ZNF804A: variants seen among roughly 807,000 people sequenced by gnomAD.
ZNF804A encodes zinc finger protein 804A.
ZNF804A carries 2 observed loss-of-function variants against 16.5 expected under a neutral mutation model. That is an observed-to-expected ratio of 0.12 (90% confidence interval 0.05 to 0.38). ZNF804A has a LOEUF of 0.38. Among genes scored for constraint, ZNF804A ranks in the 10% least tolerant of loss-of-function variants. The pLI is 0.99. For synonymous variants in ZNF804A, 534 were observed against 489.6 expected (o/e 1.09, Z -1.20); for missense variants, 1,473 against 1,390.7 (o/e 1.06, Z -0.94).
chr2:184,705,605 A>G (rs1693015005), intron 1 of ZNF804A, among the ~76,000 whole-genome samples: 1 of 152,052 alleles, frequency 6.6e-6, no homozygotes, highest in Non-Finnish European at 1.5e-5. Context: ...AAGGCATGGT[A>G]CCTATTTTTT....
chr2:184,734,164 A>G (rs1559137668), intron 1 of ZNF804A, among the ~76,000 whole-genome samples: 1 of 152,022 alleles, frequency 6.6e-6, no homozygotes, highest in Non-Finnish European at 1.5e-5. Context: ...CTGCATGCTC[A>G]AACACCTAGG....
At chr2:184,910,684 G>A (rs1685342534) in intron 2 of ZNF804A, among the ~76,000 whole-genome samples, 1 of 151,942 alleles carries the variant, frequency 6.6e-6, no homozygotes, top group Admixed American at 6.6e-5. Flanking sequence ...GGTACGAGAT[G>A]GTATATCATT....
At chr2:184,906,081 A>T (rs1270833416) in intron 2 of ZNF804A, among the ~76,000 whole-genome samples, 1 of 152,118 alleles carries the variant, frequency 6.6e-6, no homozygotes, top group Non-Finnish European at 1.5e-5. Context: ...TTGTTGTCAT[A>T]TTTGATCATT....
At chr2:184,855,789 T>A (rs183426149) in intron 1 of ZNF804A, among the ~76,000 whole-genome samples, 177 of 152,110 alleles carry the variant, frequency 1.2e-3, no homozygotes, top group Admixed American at 7.9e-3. Flanking sequence ...CAGTTGTTCA[T>A]GTCAGGCACA....
chr2:184,746,861 A>G (rs1228628276), intron 1 of ZNF804A, among the ~76,000 whole-genome samples: 1 of 151,418 alleles, frequency 6.6e-6, no homozygotes, highest in African/African-American at 2.4e-5. Flanking sequence ...ATTTCCAACC[A>G]CATTATTGCA....
intron 2 of ZNF804A, among the ~76,000 whole-genome samples, chr2:184,925,709 T>C (rs944411664): frequency 1.3e-5 from 2 of 151,918 alleles, no homozygotes; most frequent in Non-Finnish European, 2.9e-5. Flanking sequence ...TGTGTTTTAA[T>C]TGTATATTTT....
chr2:184,929,235 G>C (rs1430133698), intron 2 of ZNF804A, among the ~76,000 whole-genome samples: 1 of 152,088 alleles, frequency 6.6e-6, no homozygotes, highest in Non-Finnish European at 1.5e-5. Context: ...TTTAATAATT[G>C]ACTGACTCCT....
At chr2:184,610,976 G>T (rs1249981302) in intron 1 of ZNF804A, among the ~76,000 whole-genome samples, 1 of 152,174 alleles carries the variant, frequency 6.6e-6, no homozygotes, top group Non-Finnish European at 1.5e-5. Context: ...GTCTTAGCCT[G>T]TTTGAGCTGT....
intron 1 of ZNF804A, among the ~76,000 whole-genome samples, chr2:184,860,583 C>T (rs1695784448): frequency 1.3e-5 from 2 of 152,256 alleles, no homozygotes; most frequent in Middle Eastern, 3.4e-3. Context: ...TGGGATCAGC[C>T]TGGTGCTAAG....
At chr2:184,878,338 G>T (rs182388149) in intron 2 of ZNF804A, among the ~76,000 whole-genome samples, 2 of 152,102 alleles carry the variant, frequency 1.3e-5, no homozygotes, top group South Asian at 2.1e-4. Flanking sequence ...CACAAAGCTC[G>T]GTTTGAGTCA....
intron 1 of ZNF804A, among the ~76,000 whole-genome samples, chr2:184,652,677 A>C (rs932381917): frequency 2.0e-5 from 3 of 152,040 alleles, no homozygotes; most frequent in Non-Finnish European, 4.4e-5. Flanking sequence ...CCTTCATTCA[A>C]TGTAAATCTA....
chr2:184,828,055 T>A (rs372641914), intron 1 of ZNF804A, among the ~76,000 whole-genome samples: 2 of 150,414 alleles, frequency 1.3e-5, no homozygotes, highest in East Asian at 3.9e-4. Context: ...GCATGAGTTT[T>A]CATCAAATAT....
intron 1 of ZNF804A, among the ~76,000 whole-genome samples, chr2:184,855,107 G>A (rs1350212872): frequency 3.3e-5 from 5 of 152,028 alleles, no homozygotes; most frequent in African/African-American, 1.2e-4. Flanking sequence ...CTGTCTTGGT[G>A]TTATTGCTCT....
At chr2:184,802,821 T>C (rs1347108121) in intron 1 of ZNF804A, among the ~76,000 whole-genome samples, 1 of 152,196 alleles carries the variant, frequency 6.6e-6, no homozygotes, top group African/African-American at 2.4e-5. Context: ...ATAAATTACA[T>C]TTCTTAATAT....
At chr2:184,795,884 G>T (rs1234323779) in intron 1 of ZNF804A, among the ~76,000 whole-genome samples, 1 of 152,030 alleles carries the variant, frequency 6.6e-6, no homozygotes, top group African/African-American at 2.4e-5. Flanking sequence ...ATAATTAGAT[G>T]CCCTGAACAG....
intron 1 of ZNF804A, among the ~76,000 whole-genome samples, chr2:184,716,157 C>G (rs1399629423): frequency 1.3e-5 from 2 of 151,888 alleles, no homozygotes; most frequent in African/African-American, 4.8e-5. Context: ...ATGAGAAAAC[C>G]AAAGAAGCAT....
At chr2:184,803,414 CT>C (rs529585151) in intron 1 of ZNF804A, among the ~76,000 whole-genome samples, 5 of 152,034 alleles carry the variant, frequency 3.3e-5, no homozygotes, top group South Asian at 2.1e-4. Flanking sequence ...TTTTTTCTAA[CT>C]TTTTTTAATT....
At position 184,718,752 on chromosome 2, in the gene ZNF804A, G is replaced by T. The variant is rs552870419; in HGVS notation, c.111+119682G>T. Among the ~76,000 whole-genome samples the T allele has an allele frequency of 2.6e-5, 4 of 152,274 alleles. No individual in the cohort carries two copies. In the East Asian group the frequency reaches 7.7e-4, roughly 29 times the overall value. On this transcript the variant is annotated intron_variant, in intron 1 of 3. Transcript: ENST00000302277. ...CATGGTCTTGGGCAGTTCCAACCCT[G>T]TGACTTTGCAAGGTATAGCCTCCCT...
rs1415463965 is a variant in ZNF804A, at chr2:184,866,409, A to C, written c.152A>C (p.Glu51Ala). The change falls in exon 2 of 4, where the codon GAA becomes GCA. Residue 51 changes from glutamate (E) to alanine (A), a missense_variant. Coordinates refer to ENST00000302277, the MANE Select transcript of ZNF804A (RefSeq NM_194250.2). ...EKENTIAKAL[E>A]DLKANFYCEL... is the part of the protein sequence containing the mutation. ...GAAAATACCATAGCAAAAGCTCTGG[A>C]AGATCTGAAGGCAAATTTTTACTGT... The C allele has an allele frequency of 1.9e-6, 3 of 1,613,290 alleles. No individual in the cohort carries two copies. Among genetic ancestry groups the C allele is most frequent in the Non-Finnish European group, 2.5e-6 (3 of 1,179,552 alleles).
Sources: gnomAD v4.1 joint callset for allele counts (sites outside exome capture counted in the v4.1 genomes callset) on GRCh38, gnomAD v4.1.1 for gene constraint, MANE v1.5 for transcripts, NCBI Gene and HGNC (gene_info 2026-07-23, HGNC 2026-07-21) for gene names.